The following CCDC18 variants were observed in gnomAD, a reference collection of about 807,000 sequenced individuals.
The protein encoded by CCDC18 is coiled-coil domain containing 18.
A neutral mutation model predicts 196.0 loss-of-function variants in CCDC18; 157 were observed. The ratio of observed to expected loss-of-function variants is 0.80; its 90% CI spans 0.70 to 0.91. CCDC18 has a LOEUF of 0.91. Among genes scored for constraint, CCDC18 ranks in the 40% least tolerant of loss-of-function variants. The pLI is 0.00. For synonymous variants in CCDC18, 482 were observed against 529.2 expected, an observed-to-expected ratio of 0.91 and a Z score of 1.22; for missense variants, 1,465 against 1,611.6, an observed-to-expected ratio of 0.91 and a Z score of 1.56.
At chr1:93,224,777 A>G (rs1658024197) in intron 16 of CCDC18, among the ~76,000 whole-genome samples, 1 of 152,268 alleles carries the variant, frequency 6.6e-6, no homozygotes, top group South Asian at 2.1e-4. Flanking sequence ...ATCTTGCCCA[A>G]ATGAGTTATT....
chr1:93,252,464 T>C (rs538624168), intron 23 of CCDC18, among the ~76,000 whole-genome samples: 86 of 152,304 alleles, frequency 5.6e-4, no homozygotes, highest in Non-Finnish European at 8.2e-4. Context: ...AATTTTTGTT[T>C]GATTTTTTAA....
intron 28 of CCDC18, 152 bp downstream of exon 28, chr1:93,270,966 A>G (rs1665208171): frequency 2.0e-6 from 2 of 982,290 alleles, no homozygotes; most frequent in Admixed American, 6.2e-5. Flanking sequence ...AATCAATACC[A>G]AAAGACATTT....
At position 93,276,732 on chromosome 1, in the gene CCDC18, T is replaced by C. The variant is rs565216569; in HGVS notation, c.4354-1731T>C. On this transcript the variant is annotated intron_variant, in intron 28 of 28. Coordinates refer to ENST00000690025, the MANE Select transcript of CCDC18 (RefSeq NM_001378204.1). ...TTTTTTTAAATCCCCTGGGCCTTTT[T>C]CCTCTATTTTTCTACTTTATGTTAA... 4.6e-5 allele frequency among the ~76,000 whole-genome samples: 7 copies of C among 152,302 alleles called. No individual in the cohort carries two copies. The South Asian group carries it at 8.3e-4, about 18-fold the overall frequency.
rs529378221 is a variant in CCDC18, at chr1:93,193,881, CTA to C, written c.698+139_698+140del. The C allele has an allele frequency of 5.3e-3, 3,080 of 583,380 alleles. 15 individuals are homozygous for C. Among genetic ancestry groups the C allele is most frequent in the South Asian group, 6.9e-3 (223 of 32,224 alleles). The allele number at this position is 583,380 out of a possible 1,614,324, so 36.1% of individuals were successfully genotyped here. Reference sequence around the variant, plus strand: ...AAATTAACTTAATGTTCTTTTTTATCTATTAATTTTTTTAAATTTTCCATTAA... The same window carrying C: ...AAATTAACTTAATGTTCTTTTTTATCTTAATTTTTTTAAATTTTCCATTAA... On this transcript the variant is annotated intron_variant, in intron 6 of 28. Coordinates refer to ENST00000690025, the MANE Select transcript of CCDC18 (RefSeq NM_001378204.1).
chr1:93,246,030 A>G (rs1024556301), intron 21 of CCDC18, 75 bp from the exon 22 acceptor site: 15 of 894,884 alleles, frequency 1.7e-5, no homozygotes, highest in African/African-American at 3.4e-5. Flanking sequence ...AGAAGAGGTA[A>G]CCTGGTTGAC....
At chr1:93,213,581 A>C (rs1392460587) in intron 11 of CCDC18, among the ~76,000 whole-genome samples, 1 of 152,002 alleles carries the variant, frequency 6.6e-6, no homozygotes, top group African/African-American at 2.4e-5. Flanking sequence ...ATTTTCATTC[A>C]GTTCAAAATA....
intron 27 of CCDC18, among the ~76,000 whole-genome samples, chr1:93,266,751 T>C (rs899639436): frequency 2.6e-5 from 4 of 152,146 alleles, no homozygotes; most frequent in Admixed American, 1.3e-4. Context: ...CAGGAAGAAG[T>C]TGAATCCCTG....
chr1:93,213,675 G>A (rs1466331426), intron 11 of CCDC18, among the ~76,000 whole-genome samples: 1 of 151,794 alleles, frequency 6.6e-6, no homozygotes. Flanking sequence ...AGATATTTTT[G>A]TGTCATTCAT....
rs1194538081 is a variant in CCDC18 at position 93,278,718 on chromosome 1, T to C, written c.*241T>C. The C allele has an allele frequency of 3.0e-6, 1 of 338,974 alleles. No homozygotes were observed. The highest frequency in any genetic ancestry group is 5.2e-6 in the Non-Finnish European group (1 of 191,622). The allele number at this position is 338,974 out of a possible 1,614,324, so 21.0% of individuals were successfully genotyped here. A position where few individuals can be genotyped will look rare whatever the true frequency, so the allele number is the denominator to read the frequency against. Reference sequence around the variant, plus strand: ...TCTTTTGCTTTTTATATAAAAATCATTGTTAAAATGCATAAGTACATTGAG... The same window carrying C: ...TCTTTTGCTTTTTATATAAAAATCACTGTTAAAATGCATAAGTACATTGAG... On this transcript the variant is annotated 3_prime_UTR_variant, in exon 29 of 29. Transcript: ENST00000690025.
chr1:93,214,419 T>TAAA (rs762019044), intron 11 of CCDC18, among the ~76,000 whole-genome samples: 6 of 152,086 alleles, frequency 3.9e-5, no homozygotes, highest in Non-Finnish European at 8.8e-5. Flanking sequence ...CAGGGCAACT[T>TAAA]AAAAAAAATT....
intron 6 of CCDC18, among the ~76,000 whole-genome samples, chr1:93,197,940 A>G (rs1476354194): frequency 6.6e-6 from 1 of 151,352 alleles, no homozygotes; most frequent in Non-Finnish European, 1.5e-5. Flanking sequence ...TTTAGTAGAG[A>G]CGGGGTTTCT....
intron 6 of CCDC18, 69 bp downstream of exon 6, chr1:93,193,813 C>T: frequency 1.6e-6 from 2 of 1,238,580 alleles, no homozygotes; most frequent in Non-Finnish European, 1.1e-6. Flanking sequence ...ATTTAAAATT[C>T]TAGTTAATTT....
upstream of CCDC18, chr1:93,180,232 T>A: frequency 6.2e-7 from 1 of 1,610,870 alleles, no homozygotes; most frequent in Non-Finnish European, 8.5e-7. Flanking sequence ...CAGCCAGATC[T>A]TGTCGCCCAT....
chr1:93,209,993 C>T (rs928782483), intron 9 of CCDC18, among the ~76,000 whole-genome samples: 1 of 151,878 alleles, frequency 6.6e-6, no homozygotes, highest in Non-Finnish European at 1.5e-5. Context: ...TCCAAGAGTT[C>T]GAGGCTGCAG....
chr1:93,256,507 TG>T lies in CCDC18; in HGVS notation c.3517del (p.Glu1173ArgfsTer3). ...GAAATAGAAAGGCTCTCTAGTGAAC[TG>T]GAGGATATGAAGCAACTCTCTAAAG... is the stretch of plus-strand genomic sequence containing the variant. Reference protein sequence around the residue: ...QREIERLSSELEDMKQLSKEK... With the variant: ...QREIERLSSEXEDMKQLSKEK... On this transcript the variant is annotated frameshift_variant, in exon 25 of 29. Coordinates refer to ENST00000690025, the MANE Select transcript of CCDC18 (RefSeq NM_001378204.1). LOFTEE classifies it high-confidence loss of function. The T allele has an allele frequency of 6.2e-7, 1 of 1,613,994 alleles. No individual in the cohort carries two copies. The highest frequency in any genetic ancestry group is 8.5e-7 in the Non-Finnish European group (1 of 1,179,894).
chr1:93,247,079 G>A (rs1661582566), intron 23 of CCDC18, 125 bp downstream of exon 23: 2 of 522,276 alleles, frequency 3.8e-6, no homozygotes, highest in Non-Finnish European at 6.9e-6. Context: ...TTTTTTTGGA[G>A]ACAGAGTCGT....
intron 28 of CCDC18, chr1:93,271,047 G>A (rs1007556711): frequency 1.1e-4 from 105 of 983,514 alleles, no homozygotes; most frequent in Admixed American, 1.9e-4. Context: ...GAAGTAGAAC[G>A]AAAAATAGGA....
At chr1:93,211,863 T>G (rs1284772137) in intron 10 of CCDC18, among the ~76,000 whole-genome samples, 1 of 152,170 alleles carries the variant, frequency 6.6e-6, no homozygotes, top group East Asian at 1.9e-4. Flanking sequence ...ACAGTGAAAT[T>G]GCTGGGTCAT....
At chr1:93,274,503 T>C (rs1431237168) in intron 28 of CCDC18, among the ~76,000 whole-genome samples, 1 of 152,170 alleles carries the variant, frequency 6.6e-6, no homozygotes, top group Non-Finnish European at 1.5e-5. Flanking sequence ...ATTTTTCAAG[T>C]CATTTCACCT....
Sources: gnomAD v4.1 joint callset for allele counts (sites outside exome capture counted in the v4.1 genomes callset) on GRCh38, gnomAD v4.1.1 for gene constraint, MANE v1.5 for transcripts, NCBI Gene and HGNC (gene_info 2026-07-23, HGNC 2026-07-21) for gene names.